The following EPHA4 variants were observed in gnomAD, a reference collection of about 807,000 sequenced individuals.
The protein encoded by EPHA4 is ephrin type-A receptor 4.
In EPHA4, 19 loss-of-function variants were observed where a neutral mutation model predicts 108.3. That is an observed-to-expected ratio of 0.18 (90% CI 0.12 to 0.26). The LOEUF is 0.26. Ranked by LOEUF, EPHA4 falls within the 10% of genes least tolerant of loss-of-function variation. The probability of loss-of-function intolerance (pLI) is 1.00; values close to 1 mark genes in which losing one functional copy is unlikely to be tolerated. For missense variants in EPHA4, 917 were observed against 1,254.0 expected, an observed-to-expected ratio of 0.73 and a Z score of 4.06; for synonymous variants, 449 against 455.5, an observed-to-expected ratio of 0.99 and a Z score of 0.18.
chr2:221,459,301 C>G (rs1406868518), intron 5 of EPHA4, among the ~76,000 whole-genome samples: 4 of 126,746 alleles, frequency 3.2e-5, no homozygotes, highest in Non-Finnish European at 6.9e-5. Context: ...CACACACACA[C>G]ACACACACCC....
rs1025152969 is a variant in EPHA4 at position 221,571,607 on chromosome 2, A to G, written c.91+551T>C. On this transcript the variant is annotated intron_variant, in intron 1 of 17. Coordinates refer to ENST00000281821, the MANE Select transcript of EPHA4 (RefSeq NM_004438.5). This position sits in a 1 kb window ranked among gnomAD's most constrained non-coding sequence, Gnocchi z 6.3. ...AGAAAGGTGTCTGACTCCGGGTGCT[A>G]GAAATCAGGTCACTGGCGCCTGACG... 2.0e-5 allele frequency among the ~76,000 whole-genome samples: 3 copies of G among 152,052 alleles called. No homozygotes were observed. The highest frequency in any genetic ancestry group is 4.4e-5 in the Non-Finnish European group (3 of 68,002).
At position 221,534,322 on chromosome 2, in the gene EPHA4, C is replaced by T. The variant is rs545373152; in HGVS notation, c.823+29409G>A. 2.0e-5 allele frequency among the ~76,000 whole-genome samples: 3 copies of T among 152,288 alleles called. No homozygotes were observed. In the South Asian group the frequency reaches 6.2e-4, roughly 32 times the overall value. On this transcript the variant is annotated intron_variant, in intron 3 of 17. Transcript: ENST00000281821. ...GGGAAATTTCTCTGCTCTGTTTCTG[C>T]CCTGGATTCTATTTTGATCTGTGGA...
chr2:221,443,126 TGC>T, intron 10 of EPHA4, 112 bp from the exon 11 acceptor site: 1 of 1,097,368 alleles, frequency 9.1e-7, no homozygotes, highest in South Asian at 1.6e-5. Context: ...GCTAGTGCTT[TGC>T]ATAGATTATT....
At chr2:221,460,986 C>T (rs956532359) in intron 5 of EPHA4, among the ~76,000 whole-genome samples, 8 of 152,110 alleles carry the variant, frequency 5.3e-5, no homozygotes, top group African/African-American at 1.9e-4. Context: ...ATCAATGAAA[C>T]CCTATAATTA....
intron 3 of EPHA4, among the ~76,000 whole-genome samples, chr2:221,528,890 C>T (rs545039202): frequency 1.1e-3 from 166 of 152,232 alleles, no homozygotes; most frequent in African/African-American, 3.8e-3. Flanking sequence ...ATCCTCTGTC[C>T]GACATACTCT....
At chr2:221,483,171 G>A (rs755851455) in intron 4 of EPHA4, among the ~76,000 whole-genome samples, 17 of 152,228 alleles carry the variant, frequency 1.1e-4, no homozygotes, top group Non-Finnish European at 2.2e-4. Flanking sequence ...CTGTAGAAAT[G>A]TGCCTCTGCA....
chr2:221,565,506 T>TA (rs1352323253), intron 2 of EPHA4, among the ~76,000 whole-genome samples: 1 of 152,162 alleles, frequency 6.6e-6, no homozygotes, highest in Non-Finnish European at 1.5e-5. Context: ...ATAGTTTTTT[T>TA]AAAAAATTGT....
At chr2:221,520,199 T>G (rs1450869822) in intron 3 of EPHA4, among the ~76,000 whole-genome samples, 2 of 151,974 alleles carry the variant, frequency 1.3e-5, no homozygotes, top group East Asian at 3.9e-4. Flanking sequence ...CAGCCCCAAT[T>G]TGTCCCTCAA....
intron 1 of EPHA4, among the ~76,000 whole-genome samples, chr2:221,570,831 T>G (rs180734549): frequency 1.3e-5 from 2 of 149,220 alleles, no homozygotes; most frequent in Non-Finnish European, 3.0e-5. Flanking sequence ...CGGACAGATA[T>G]ATGGATGGAT....
rs189733468 is a variant in EPHA4, at chr2:221,457,988, G to A, written c.1321C>T (p.Pro441Ser). 1 of 1,606,878 alleles carries A rather than the reference G, an allele frequency of 6.2e-7. No individual in the cohort carries two copies. Among genetic ancestry groups the A allele is most frequent in the Non-Finnish European group, 8.5e-7 (1 of 1,177,860 alleles). Residue 441 changes from proline to serine, a missense_variant and splice_region_variant, in exon 6 of 18, where the codon CCA (proline) becomes TCA (serine). This residue lies in a region of EPHA4 where 758 missense variants were observed against 1,076.7 expected (regional missense o/e 0.70). Transcript: ENST00000281821. Reference sequence around the variant, plus strand: ...GCCTGGACCAAAGCAATGGATGATGGTGCTGTTAGAAAAAAACAAAAGACA... The same window carrying A: ...GCCTGGACCAAAGCAATGGATGATGATGCTGTTAGAAAAAAACAAAAGACA... ...SVTVTTNQAA[P>S]SSIALVQAKE...
In EPHA4 at chr2:221,554,945, G is replaced by T. The variant is rs1694262843; in HGVS notation, c.823+8786C>A. On this transcript the variant is annotated intron_variant, in intron 3 of 17. Transcript: ENST00000281821. ...ACTTTACAATTTTTTAAAGCCCTTTGTTGGGACACATCTGAACATTCCTAG... is the reference window on the plus strand; with the variant it reads ...ACTTTACAATTTTTTAAAGCCCTTTTTTGGGACACATCTGAACATTCCTAG... Among the ~76,000 whole-genome samples the T allele has an allele frequency of 5.3e-5, 8 of 152,246 alleles. No individual in the cohort carries two copies. In the South Asian group the frequency reaches 1.7e-3, roughly 32 times the overall value.
At position 221,506,972 on chromosome 2, in the gene EPHA4, G is replaced by C. The variant is rs10188039; in HGVS notation, c.824-5800C>G. ...GGAGAGAGAACATTTCACTTAATTTGGTTTCAAGGAAAATGTTCATTATTA... is the reference window on the plus strand; with the variant it reads ...GGAGAGAGAACATTTCACTTAATTTCGTTTCAAGGAAAATGTTCATTATTA... On this transcript the variant is annotated intron_variant, in intron 3 of 17. Transcript: ENST00000281821. Among the ~76,000 whole-genome samples, 815 of 152,204 alleles carry C rather than the reference G, an allele frequency of 5.4e-3. 8 individuals carry two copies. Among genetic ancestry groups the C allele is most frequent in the African/African-American group, 0.019 (777 of 41,514 alleles).
chr2:221,517,933 G>A (rs530973594), intron 3 of EPHA4, among the ~76,000 whole-genome samples: 9 of 152,298 alleles, frequency 5.9e-5, no homozygotes, highest in East Asian at 5.8e-4. Context: ...CTTCCTGAGC[G>A]TGATTCAAAC....
At chr2:221,529,008 C>T (rs2392936) in intron 3 of EPHA4, among the ~76,000 whole-genome samples, 86,089 of 151,910 alleles carry the variant, frequency 0.57, 25,161 homozygotes, top group African/African-American at 0.71. Context: ...CAAAAAACTA[C>T]GTATATGCCA....
At chr2:221,428,581 T>C (rs2106091081) in intron 15 of EPHA4, among the ~76,000 whole-genome samples, 1 of 152,222 alleles carries the variant, frequency 6.6e-6, no homozygotes, top group South Asian at 2.1e-4. Flanking sequence ...TCAGACAAAA[T>C]ACATGGGCTC....
chr2:221,475,430 T>G (rs1691624911), intron 5 of EPHA4, among the ~76,000 whole-genome samples: 1 of 152,182 alleles, frequency 6.6e-6, no homozygotes, highest in Non-Finnish European at 1.5e-5. Context: ...GTTTCAAATG[T>G]GAGATTTACC....
chr2:221,530,474 C>A (rs1396113107), intron 3 of EPHA4, among the ~76,000 whole-genome samples: 1 of 152,216 alleles, frequency 6.6e-6, no homozygotes, highest in East Asian at 1.9e-4. Flanking sequence ...AGCAAACCAG[C>A]AACGGGCTGG....
intron 11 of EPHA4, among the ~76,000 whole-genome samples, chr2:221,440,545 A>C (rs1690389177): frequency 6.6e-6 from 1 of 151,950 alleles, no homozygotes; most frequent in Admixed American, 6.5e-5. Context: ...AAATAGAGCT[A>C]TTCTATGCTA....
intron 3 of EPHA4, among the ~76,000 whole-genome samples, chr2:221,514,088 C>CA (rs1692918247): frequency 8.5e-6 from 1 of 118,186 alleles, no homozygotes; most frequent in Admixed American, 7.9e-5. Context: ...TCCTGTAAGC[C>CA]GGGGGGAGGG....
Sources: gnomAD v4.1 joint callset for allele counts (sites outside exome capture counted in the v4.1 genomes callset) on GRCh38, gnomAD v4.1.1 for gene constraint, gnomAD v4.1.1 regional missense constraint, Gnocchi (gnomAD v3.1) non-coding constraint, MANE v1.5 for transcripts, NCBI Gene and HGNC (gene_info 2026-07-23, HGNC 2026-07-21) for gene names.